ZNF547: variants seen among roughly 807,000 people sequenced by gnomAD.
The protein encoded by ZNF547 is zinc finger protein 547.
A neutral mutation model predicts 7.7 loss-of-function variants in ZNF547; 4 were observed. The observed-to-expected ratio is 0.52, with a 90% confidence interval of 0.26 to 1.20. The LOEUF (loss-of-function observed/expected upper bound fraction) is 1.20, where lower values mean the gene tolerates loss of function less well. ZNF547 is among the 50% of genes most tolerant of loss of function. ZNF547 has a pLI of 0.14. For synonymous variants in ZNF547, 166 were observed against 166.2 expected, an observed-to-expected ratio of 1.00 and a Z score of 0.01; for missense variants, 449 against 485.8, an observed-to-expected ratio of 0.92 and a Z score of 0.71.
At chr19:57,371,996 A>C in intron 3 of ZNF547, 88 bp downstream of exon 3, 4 of 1,475,266 alleles carry the variant, frequency 2.7e-6, no homozygotes, top group Non-Finnish European at 3.6e-6. Context: ...CCACAGTGAG[A>C]CCATGGGTGC....
chr19:57,368,680 C>A, intron 2 of ZNF547, 101 bp downstream of exon 2: 1 of 1,115,092 alleles, frequency 9.0e-7, no homozygotes, highest in Non-Finnish European at 1.4e-6. Flanking sequence ...CTCTTTCTGT[C>A]TTTCTCCCTC....
Position 57,368,595 on chromosome 19 carries a change from T to C in ZNF547, c.24+16T>C. ...CCCTGCACAGGTGAGTGGAGTGTTT[T>C]CTACCTTTCACCTACCAGTTATCTC... On this transcript the variant is annotated intron_variant, in intron 2 of 3. Transcript: ENST00000282282. The C allele has an allele frequency of 6.2e-7, 1 of 1,613,940 alleles. No individual in the cohort carries two copies. Among genetic ancestry groups the C allele is most frequent in the Non-Finnish European group, 8.5e-7 (1 of 1,179,892 alleles).
intron 2 of ZNF547, among the ~76,000 whole-genome samples, chr19:57,370,720 A>AT (rs2088499404): frequency 6.6e-6 from 1 of 152,092 alleles, no homozygotes; most frequent in Non-Finnish European, 1.5e-5. Context: ...GAGAGGATGG[A>AT]TCCCCCCACG....
At chr19:57,376,270 GA>G (rs2088535810) in intron 3 of ZNF547, among the ~76,000 whole-genome samples, 1 of 152,120 alleles carries the variant, frequency 6.6e-6, no homozygotes, top group Non-Finnish European at 1.5e-5. Context: ...TCCCACCCTT[GA>G]CACGTGGGGA....
intron 3 of ZNF547, 49 bp from the exon 4 acceptor site, chr19:57,377,079 C>G: frequency 1.3e-6 from 2 of 1,538,886 alleles, no homozygotes; most frequent in East Asian, 4.5e-5. Context: ...GGGGTTGCCT[C>G]CGCTCATCAC....
In ZNF547 at chr19:57,369,899, CTTTTTTTTTTTTT is replaced by C. The variant is rs61547238; in HGVS notation, c.24+1332_24+1344del. Among the ~76,000 whole-genome samples the C allele has an allele frequency of 7.7e-5, 4 of 51,678 alleles. 1 individual carries two copies. The highest frequency in any genetic ancestry group is 1.3e-4 in the Non-Finnish European group (4 of 29,906). The allele number at this position is 51,678 out of a possible 152,430, so 33.9% of individuals were successfully genotyped here. On this transcript the variant is annotated intron_variant, in intron 2 of 3. Coordinates refer to ENST00000282282, the MANE Select transcript of ZNF547 (RefSeq NM_173631.4). Reference sequence around the variant, plus strand: ...AAAGAAGTTTAATTGACTCACAGTTCTTTTTTTTTTTTTTTTTTTTTTTTGAGATGTGGCCCAG... The same window carrying C: ...AAAGAAGTTTAATTGACTCACAGTTCTTTTTTTTTTTGAGATGTGGCCCAG...
In ZNF547 at chr19:57,378,435, TTTCAA is replaced by T. The variant is rs753768691; in HGVS notation, c.*252_*256del. ...GAGAGTTTACACTGAAGAAGAGTCTTTTCAATAAAGTAGAAAGTGGTAAAGATTCA... is the reference window on the plus strand; with the variant it reads ...GAGAGTTTACACTGAAGAAGAGTCTTTAAAGTAGAAAGTGGTAAAGATTCA... On this transcript the variant is annotated 3_prime_UTR_variant, in exon 4 of 4. Coordinates refer to ENST00000282282, the MANE Select transcript of ZNF547 (RefSeq NM_173631.4). The T allele has an allele frequency of 4.5e-6, 3 of 669,726 alleles. No individual in the cohort carries two copies. The highest frequency in any genetic ancestry group is 2.8e-6 in the Non-Finnish European group (1 of 361,578). The allele number at this position is 669,726 out of a possible 1,614,324, so 41.5% of individuals were successfully genotyped here.
intron 2 of ZNF547, among the ~76,000 whole-genome samples, chr19:57,371,334 C>T (rs767780707): frequency 6.6e-6 from 1 of 152,222 alleles, no homozygotes; most frequent in Non-Finnish European, 1.5e-5. Context: ...TTATTCCTTA[C>T]GTTTCCCTAA....
At chr19:57,375,514 T>C (rs1013796862) in intron 3 of ZNF547, among the ~76,000 whole-genome samples, 5 of 151,416 alleles carry the variant, frequency 3.3e-5, no homozygotes, top group Admixed American at 6.6e-5. Context: ...CAACAAAAAT[T>C]AGCCGGGCAT....
chr19:57,377,004 C>G (rs1160315769), intron 3 of ZNF547, 124 bp from the exon 4 acceptor site: 1 of 992,258 alleles, frequency 1.0e-6, no homozygotes, highest in East Asian at 2.6e-5. Context: ...GCCACAGTAC[C>G]AGGGTTCATG....
At chr19:57,365,356 T>C (rs2088459683) in intron 1 of ZNF547, 1 of 844,850 alleles carries the variant, frequency 1.2e-6, no homozygotes, top group South Asian at 1.7e-5. Flanking sequence ...AAATCTTTTG[T>C]GTATTCTCAG....
At chr19:57,364,977 C>A (rs193215645) in intron 1 of ZNF547, 1 of 1,612,936 alleles carries the variant, frequency 6.2e-7, no homozygotes, top group Admixed American at 1.7e-5. Flanking sequence ...CTCTCGACCT[C>A]GTAGATGAGA....
At position 57,378,992 on chromosome 19, in the gene ZNF547, T is replaced by C. The variant is rs8100747; in HGVS notation, c.*807T>C. 0.94 allele frequency: 156,480 copies of C among 166,376 alleles called. 73,686 individuals are homozygous for C. Among genetic ancestry groups the C allele is most frequent in the Middle Eastern group, 0.98 (410 of 420 alleles). The allele number at this position is 166,376 out of a possible 1,614,324, so 10.3% of individuals were successfully genotyped here. Reference sequence around the variant, plus strand: ...TTAGGATAATATCCTCAAAGTTCATTCATTTTTTAGCATGTGTCAGAAATT... The same window carrying C: ...TTAGGATAATATCCTCAAAGTTCATCCATTTTTTAGCATGTGTCAGAAATT... On this transcript the variant is annotated 3_prime_UTR_variant, in exon 4 of 4. Coordinates refer to ENST00000282282, the MANE Select transcript of ZNF547 (RefSeq NM_173631.4).
chr19:57,365,977 T>C (rs1453679786), intron 1 of ZNF547, among the ~76,000 whole-genome samples: 4 of 150,068 alleles, frequency 2.7e-5, no homozygotes, highest in African/African-American at 9.8e-5. Context: ...CAATTCTCCT[T>C]CTTCAGCCTC....
rs773817977 is a variant in ZNF547, at chr19:57,378,234, A to G, written c.*49A>G. The stretch of plus-strand genomic sequence containing the variant: ...TGGGAAAGCCTTCAGTCACCAACAT[A>G]TTGTGGCTGGACAGCAGGCAGTACA... On this transcript the variant is annotated 3_prime_UTR_variant, in exon 4 of 4. Coordinates refer to ENST00000282282, the MANE Select transcript of ZNF547 (RefSeq NM_173631.4). The G allele has an allele frequency of 5.2e-6, 8 of 1,528,898 alleles. No homozygotes were observed. Among genetic ancestry groups the G allele is most frequent in the Non-Finnish European group, 3.6e-6 (4 of 1,123,872 alleles). The allele number at this position is 1,528,898 out of a possible 1,614,324, so 94.7% of individuals were successfully genotyped here.
At chr19:57,365,264 A>G in intron 1 of ZNF547, 2 of 1,527,182 alleles carry the variant, frequency 1.3e-6, no homozygotes, top group Non-Finnish European at 1.8e-6. Context: ...TGAATGGAGA[A>G]AATTCCAAAA....
rs1456021536 is a variant in ZNF547 at position 57,377,547 on chromosome 19, A to T, written c.571A>T (p.Ile191Leu). ...AACTTATAAGTGCAGCAAATGTGGG[A>T]TATTGTTTATGGAAAGGTCCACACT... ...ERTYKCSKCG[I>L]LFMERSTLNR... The change falls in exon 4 of 4, where the codon ATA becomes TTA. Residue 191 changes from isoleucine (I) to leucine (L), a missense_variant. By Grantham distance (5) the Ile-to-Leu change is conservative (BLOSUM62 2). Transcript: ENST00000282282. 1.2e-6 allele frequency: 2 copies of T among 1,614,250 alleles called. No individual in the cohort carries two copies. Among genetic ancestry groups the T allele is most frequent in the East Asian group, 4.5e-5 (2 of 44,882 alleles).
intron 1 of ZNF547, chr19:57,365,395 A>C: frequency 1.5e-6 from 1 of 647,534 alleles, no homozygotes. Flanking sequence ...AATTTCTTTT[A>C]TATTTAAAAA....
chr19:57,367,069 C>G (rs752661904), intron 1 of ZNF547, among the ~76,000 whole-genome samples: 7 of 152,184 alleles, frequency 4.6e-5, no homozygotes, highest in African/African-American at 7.2e-5. Context: ...TATTTCCTTT[C>G]CCTCAGACAA....
Sources: gnomAD v4.1 joint callset for allele counts (sites outside exome capture counted in the v4.1 genomes callset) on GRCh38, gnomAD v4.1.1 for gene constraint, MANE v1.5 for transcripts, NCBI Gene and HGNC (gene_info 2026-07-23, HGNC 2026-07-21) for gene names.